KCNQ4: variants seen among roughly 807,000 people sequenced by gnomAD.
KCNQ4 encodes the protein potassium voltage-gated channel subfamily KQT member 4.
KCNQ4 carries 31 observed loss-of-function variants against 72.6 expected under a neutral mutation model. The ratio of observed to expected loss-of-function variants is 0.43; its 90% CI spans 0.32 to 0.58. The LOEUF (loss-of-function observed/expected upper bound fraction) is 0.58. Ranked by LOEUF, KCNQ4 falls within the 20% of genes least tolerant of loss-of-function variation. The probability of loss-of-function intolerance (pLI) is 0.08; values close to 1 mark genes in which losing one functional copy is unlikely to be tolerated. For missense variants in KCNQ4, 869 were observed against 962.6 expected (o/e 0.90, Z 1.29); for synonymous variants, 405 against 403.7 (o/e 1.00, Z -0.04).
At chr1:40,798,800 G>A (rs1416080697) in intron 1 of KCNQ4, among the ~76,000 whole-genome samples, 1 of 152,256 alleles carries the variant, frequency 6.6e-6, no homozygotes, top group Non-Finnish European at 1.5e-5. Flanking sequence ...GTGCCCCTGT[G>A]TTTGGACCTG....
intron 1 of KCNQ4, among the ~76,000 whole-genome samples, chr1:40,793,964 G>A (rs919851952): frequency 1.3e-5 from 2 of 152,166 alleles, no homozygotes; most frequent in African/African-American, 4.8e-5. Flanking sequence ...TGGGTGTGTG[G>A]GGGTTGAACA....
intron 1 of KCNQ4, among the ~76,000 whole-genome samples, chr1:40,803,599 C>T (rs1187675299): frequency 6.6e-6 from 1 of 152,208 alleles, no homozygotes; most frequent in Non-Finnish European, 1.5e-5. Flanking sequence ...AAGACCCTCC[C>T]AACCACCCTT....
chr1:40,793,011 T>C (rs934282404), intron 1 of KCNQ4, among the ~76,000 whole-genome samples: 4 of 144,832 alleles, frequency 2.8e-5, no homozygotes, highest in African/African-American at 7.7e-5. Flanking sequence ...TTTCTTTTTT[T>C]TTTTTTTTTT....
In KCNQ4 at chr1:40,786,153, G is replaced by T. The variant is rs1296170268; in HGVS notation, c.314+1746G>T. On this transcript the variant is annotated intron_variant, in intron 1 of 13. Transcript: ENST00000347132. ...TGGCTACAGAGCAGCCTCCTTGAGT[G>T]CCTAAGGAGGGTGAGACACCCCCCA... Among the ~76,000 whole-genome samples the T allele has an allele frequency of 2.0e-5, 3 of 152,108 alleles. No individual in the cohort carries two copies. The South Asian group carries it at 6.2e-4, about 31-fold the overall frequency.
At chr1:40,820,319 C>G in intron 7 of KCNQ4, 59 bp downstream of exon 7, 1 of 1,407,244 alleles carries the variant, frequency 7.1e-7, no homozygotes, top group Non-Finnish European at 9.9e-7. Context: ...ACTGGTGTGT[C>G]AACCCTGTGT....
At chr1:40,809,894 G>A (rs879279050) in intron 1 of KCNQ4, among the ~76,000 whole-genome samples, 24 of 152,098 alleles carry the variant, frequency 1.6e-4, no homozygotes, top group East Asian at 7.7e-4. Flanking sequence ...GTGAAACCCC[G>A]TCTCTACTAA....
chr1:40,803,712 G>T (rs1035020976), intron 1 of KCNQ4, among the ~76,000 whole-genome samples: 1 of 152,224 alleles, frequency 6.6e-6, no homozygotes, highest in Non-Finnish European at 1.5e-5. Flanking sequence ...CAGTCTGGCT[G>T]GTCCTGGATT....
chr1:40,792,829 G>A (rs1381089515), intron 1 of KCNQ4, among the ~76,000 whole-genome samples: 1 of 151,972 alleles, frequency 6.6e-6, no homozygotes, highest in African/African-American at 2.4e-5. Flanking sequence ...ACAGACAGGG[G>A]GATTAAGGTG....
At chr1:40,830,536 ACC>A (rs1648607048) in intron 9 of KCNQ4, among the ~76,000 whole-genome samples, 1 of 152,106 alleles carries the variant, frequency 6.6e-6, no homozygotes, top group African/African-American at 2.4e-5. Flanking sequence ...GTGCCTGTAC[ACC>A]CACACTCGCA....
Position 40,837,722 on chromosome 1 carries a change from C to T in KCNQ4, c.1803C>T (p.Asp601=), listed in dbSNP as rs1393794514. ...PGDRKAREKG[D]KGPSDAEVVD... ...ACAGGAAGGCCCGGGAGAAGGGCGA[C>T]AAGGGGCCCTCCGACGCGGAGGTGG... Residue 601 remains aspartate (D), a synonymous_variant, in exon 13 of 14, where the codon GAC becomes GAT. Transcript: ENST00000347132. 4 of 1,613,188 alleles carry T rather than the reference C, an allele frequency of 2.5e-6. No individual in the cohort carries two copies. Among genetic ancestry groups the T allele is most frequent in the Non-Finnish European group, 3.4e-6 (4 of 1,179,744 alleles).
chr1:40,795,115 C>T (rs1647375466), intron 1 of KCNQ4, among the ~76,000 whole-genome samples: 1 of 152,200 alleles, frequency 6.6e-6, no homozygotes, highest in Non-Finnish European at 1.5e-5. Context: ...GTGACCCAAC[C>T]TCTCTGAGGC....
At chr1:40,837,363 G>A (rs905779740) in intron 12 of KCNQ4, among the ~76,000 whole-genome samples, 3 of 152,234 alleles carry the variant, frequency 2.0e-5, no homozygotes, top group Non-Finnish European at 4.4e-5. Flanking sequence ...CAAATGCTGG[G>A]ATTATAGGCA....
intron 1 of KCNQ4, among the ~76,000 whole-genome samples, chr1:40,795,481 C>T (rs1435258827): frequency 1.3e-5 from 2 of 151,912 alleles, no homozygotes; most frequent in Non-Finnish European, 2.9e-5. Flanking sequence ...AGGCTGGTTT[C>T]GAATTCCTGT....
intron 9 of KCNQ4, among the ~76,000 whole-genome samples, chr1:40,825,138 C>T (rs1158828399): frequency 6.6e-6 from 1 of 152,212 alleles, no homozygotes; most frequent in Admixed American, 6.5e-5. Flanking sequence ...AAATCCCCCT[C>T]ATTCTTTTTC....
chr1:40,826,716 C>A, intron 9 of KCNQ4: 1 of 453,202 alleles, frequency 2.2e-6, no homozygotes. Flanking sequence ...CCTGCTCCTC[C>A]TGTCCCCACT....
At chr1:40,838,011 C>T (rs1247936510) in intron 13 of KCNQ4, among the ~76,000 whole-genome samples, 4 of 151,556 alleles carry the variant, frequency 2.6e-5, no homozygotes, top group Non-Finnish European at 5.9e-5. Context: ...TAAGCCCGCC[C>T]ATAACCTTCA....
rs1009643852 is a variant in KCNQ4, at chr1:40,825,019, C to T, written c.1292+761C>T. Among the ~76,000 whole-genome samples, 8 of 152,308 alleles carry T rather than the reference C, an allele frequency of 5.3e-5. 1 individual carries two copies. The highest frequency in any genetic ancestry group is 1.4e-4 in the African/African-American group (6 of 41,570). On this transcript the variant is annotated intron_variant, in intron 9 of 13. Transcript: ENST00000347132. ...CAAACAATGCTTACCCCCACATAAA[C>T]GTTCCTAAAGAGAAGAATTTCAGGC...
intron 1 of KCNQ4, among the ~76,000 whole-genome samples, chr1:40,813,560 T>A (rs970102623): frequency 2.0e-5 from 3 of 151,942 alleles, no homozygotes; most frequent in Non-Finnish European, 4.4e-5. Context: ...AATTGAGAAC[T>A]GGTGTTTGGA....
At chr1:40,804,132 C>T (rs1647678426) in intron 1 of KCNQ4, among the ~76,000 whole-genome samples, 1 of 152,202 alleles carries the variant, frequency 6.6e-6, no homozygotes, top group South Asian at 2.1e-4. Flanking sequence ...TTGAGGTTAC[C>T]CTGACCCCTG....
Sources: allele counts gnomAD v4.1 joint callset (sites outside exome capture counted in the v4.1 genomes callset), GRCh38; gene constraint gnomAD v4.1.1; transcripts MANE v1.5; gene names NCBI Gene and HGNC (gene_info 2026-07-23, HGNC 2026-07-21).